The following ATF7IP2 variants were observed in gnomAD, a reference collection of about 807,000 sequenced individuals.
ATF7IP2 encodes activating transcription factor 7-interacting protein 2.
Under a neutral mutation model 64.2 loss-of-function variants are expected in ATF7IP2, and 42 were observed. The ratio of observed to expected loss-of-function variants is 0.65; its 90% CI spans 0.51 to 0.85. The LOEUF is 0.85. Among genes scored for constraint, ATF7IP2 ranks in the 40% least tolerant of loss-of-function variants. The pLI, the probability that ATF7IP2 is intolerant of heterozygous loss-of-function variation, is 0.00. For synonymous variants in ATF7IP2, 308 were observed against 272.8 expected (o/e 1.13, Z -1.27); for missense variants, 933 against 784.2 (o/e 1.19, Z -2.27).
rs777418018 is a variant in ATF7IP2 at position 10,457,375 on chromosome 16, G to A, written c.1198G>A (p.Ala400Thr). Reference sequence around the variant, plus strand: ...TTTTTTCTCACCTATTTAATAGGTTGCAAATTCAGAGGCTATGATTTTGGA... The same window carrying A: ...TTTTTTCTCACCTATTTAATAGGTTACAAATTCAGAGGCTATGATTTTGGA... ...MLSSNGASKVANSEAMILDKN... is the reference protein window; with the variant it reads ...MLSSNGASKVTNSEAMILDKN... Residue 400 changes from alanine (A) to threonine (T), a missense_variant, in exon 9 of 14, where the codon GCA becomes ACA. By Grantham distance (58) the Ala-to-Thr change is moderately conservative. Coordinates refer to ENST00000562102, the MANE Select transcript of ATF7IP2 (RefSeq NM_001393719.1). 7 of 1,599,810 alleles carry A rather than the reference G, an allele frequency of 4.4e-6. No homozygotes were observed. Among genetic ancestry groups the A allele is most frequent in the Non-Finnish European group, 8.5e-7 (1 of 1,176,060 alleles).
chr16:10,424,160 C>T (rs1233908745), intron 3 of ATF7IP2, among the ~76,000 whole-genome samples: 1 of 152,258 alleles, frequency 6.6e-6, no homozygotes, highest in East Asian at 1.9e-4. Context: ...TCTGGAATGC[C>T]TTAAGGGGTT....
At chr16:10,443,680 G>A (rs1010957686) in intron 8 of ATF7IP2, among the ~76,000 whole-genome samples, 2 of 152,104 alleles carry the variant, frequency 1.3e-5, no homozygotes, top group Non-Finnish European at 2.9e-5. Context: ...TTGATTTGGT[G>A]GATTTAGGGA....
At chr16:10,468,776 G>C (rs181196449) in intron 9 of ATF7IP2, among the ~76,000 whole-genome samples, 14 of 152,340 alleles carry the variant, frequency 9.2e-5, no homozygotes, top group African/African-American at 3.4e-4. Context: ...AGAAGGCCAA[G>C]TGATTGATTC....
At chr16:10,477,900 G>A (rs10852317) in intron 12 of ATF7IP2, among the ~76,000 whole-genome samples, 63,297 of 139,856 alleles carry the variant, frequency 0.45, 15,264 homozygotes, top group Non-Finnish European at 0.53. Flanking sequence ...ACTCCCATTC[G>A]CAATTGCTTC....
chr16:10,481,285 C>T (rs534342067), intron 13 of ATF7IP2, among the ~76,000 whole-genome samples: 129 of 152,238 alleles, frequency 8.5e-4, no homozygotes, highest in African/African-American at 2.7e-3. Context: ...GGCTATAGTG[C>T]GGTGGCATGA....
chr16:10,472,060 C>G, intron 9 of ATF7IP2, 50 bp from the exon 10 acceptor site: 1 of 995,378 alleles, frequency 1.0e-6, no homozygotes, highest in Non-Finnish European at 1.5e-6. Flanking sequence ...ATGTTTAAGC[C>G]TGATAATGCA....
intron 13 of ATF7IP2, among the ~76,000 whole-genome samples, chr16:10,481,632 C>G (rs1170679962): frequency 2.0e-5 from 3 of 152,084 alleles, no homozygotes; most frequent in Non-Finnish European, 2.9e-5. Flanking sequence ...TGGAACCTAA[C>G]CCATTCTGGA....
At chr16:10,480,492 C>T (rs1334008128) in intron 12 of ATF7IP2, among the ~76,000 whole-genome samples, 1 of 151,918 alleles carries the variant, frequency 6.6e-6, no homozygotes, top group Non-Finnish European at 1.5e-5. Flanking sequence ...TTAACCCCAA[C>T]CCACATGATT....
intron 13 of ATF7IP2, among the ~76,000 whole-genome samples, chr16:10,481,199 T>C (rs905273574): frequency 1.6e-4 from 24 of 152,206 alleles, no homozygotes; most frequent in African/African-American, 5.3e-4. Flanking sequence ...CAATAGCCAT[T>C]GTTGATGAGG....
chr16:10,421,663 C>T (rs1056762843), intron 3 of ATF7IP2, among the ~76,000 whole-genome samples: 2 of 152,116 alleles, frequency 1.3e-5, no homozygotes, highest in African/African-American at 4.8e-5. Flanking sequence ...TCAAAATTTG[C>T]AAGTGATCAT....
intron 1 of ATF7IP2, among the ~76,000 whole-genome samples, chr16:10,407,688 C>T (rs559426779): frequency 2.6e-5 from 4 of 152,158 alleles, no homozygotes; most frequent in Admixed American, 1.3e-4. Flanking sequence ...AGGTGTTACT[C>T]GGTTACATAA....
intron 7 of ATF7IP2, 22 bp from the exon 8 acceptor site, chr16:10,440,342 T>A: frequency 7.8e-7 from 1 of 1,289,580 alleles, no homozygotes. Flanking sequence ...TTAGTATTTA[T>A]TTTTTTCTCT....
At chr16:10,388,918 A>G (rs991986186) in intron 1 of ATF7IP2, among the ~76,000 whole-genome samples, 12 of 152,174 alleles carry the variant, frequency 7.9e-5, no homozygotes, top group African/African-American at 2.6e-4. Flanking sequence ...AAGCTGAGGC[A>G]GGAGAATGGC....
intron 1 of ATF7IP2, among the ~76,000 whole-genome samples, chr16:10,391,343 C>G (rs1043012317): frequency 6.6e-6 from 1 of 151,674 alleles, no homozygotes; most frequent in African/African-American, 2.4e-5. Context: ...ATCACTTGAA[C>G]CCAGGAGGCA....
intron 1 of ATF7IP2, among the ~76,000 whole-genome samples, chr16:10,389,411 A>G (rs767333501): frequency 2.0e-5 from 3 of 152,212 alleles, no homozygotes; most frequent in African/African-American, 4.8e-5. Flanking sequence ...TCCCTTGGGC[A>G]TAAGACCTGG....
At chr16:10,423,367 A>G in intron 3 of ATF7IP2, among the ~76,000 whole-genome samples, 1 of 152,244 alleles carries the variant, frequency 6.6e-6, no homozygotes, top group East Asian at 1.9e-4. Flanking sequence ...CTGGTCTATA[A>G]TGATTTATAG....
chr16:10,444,537 C>G (rs2048739399), intron 8 of ATF7IP2, among the ~76,000 whole-genome samples: 1 of 152,022 alleles, frequency 6.6e-6, no homozygotes, highest in South Asian at 2.1e-4. Flanking sequence ...GAAGATAGAC[C>G]AAGTATGTAA....
chr16:10,389,502 G>C (rs901868684), intron 1 of ATF7IP2, among the ~76,000 whole-genome samples: 1 of 152,084 alleles, frequency 6.6e-6, no homozygotes, highest in Non-Finnish European at 1.5e-5. Flanking sequence ...TCCCCGTCCA[G>C]TGTTACCATC....
At chr16:10,403,260 C>T (rs934357562) in intron 1 of ATF7IP2, among the ~76,000 whole-genome samples, 1 of 152,112 alleles carries the variant, frequency 6.6e-6, no homozygotes, top group Non-Finnish European at 1.5e-5. Context: ...GGTGAGTTCT[C>T]ATGACTTCAT....
Sources: allele counts gnomAD v4.1 joint callset (sites outside exome capture counted in the v4.1 genomes callset), GRCh38; gene constraint gnomAD v4.1.1; transcripts MANE v1.5; gene names NCBI Gene and HGNC (gene_info 2026-07-23, HGNC 2026-07-21).